The following PBX1 variants were observed in gnomAD, a reference collection of about 807,000 sequenced individuals.
PBX1 encodes the protein PBX homeobox 1.
Under a neutral mutation model 53.4 loss-of-function variants are expected in PBX1, and 6 were observed. The ratio of observed to expected loss-of-function variants is 0.11; its 90% CI spans 0.06 to 0.22. The LOEUF (loss-of-function observed/expected upper bound fraction) is 0.22, where lower values mean the gene tolerates loss of function less well. Ranked by LOEUF, PBX1 falls within the 10% of genes least tolerant of loss-of-function variation. PBX1 has a pLI of 1.00. For synonymous variants in PBX1, 204 were observed against 212.3 expected (o/e 0.96, Z 0.34); for missense variants, 251 against 551.4 (o/e 0.46, Z 5.46).
At chr1:164,718,471 A>G (rs565099237) in intron 2 of PBX1, among the ~76,000 whole-genome samples, 2 of 152,322 alleles carry the variant, frequency 1.3e-5, no homozygotes, top group East Asian at 1.9e-4. Context: ...TCTGGTACAT[A>G]TAGGCTCATG....
intron 8 of PBX1, among the ~76,000 whole-genome samples, chr1:164,830,289 A>G (rs1670689651): frequency 6.6e-6 from 1 of 152,252 alleles, no homozygotes; most frequent in African/African-American, 2.4e-5. Context: ...AATCACATGT[A>G]AATTGCAAAA....
intron 2 of PBX1, among the ~76,000 whole-genome samples, chr1:164,881,512 A>G (rs1672654291): frequency 6.6e-6 from 1 of 150,630 alleles, no homozygotes; most frequent in South Asian, 2.2e-4. Flanking sequence ...TATAAATGCC[A>G]GTTGATATTT....
intron 2 of PBX1, among the ~76,000 whole-genome samples, chr1:164,875,114 A>G (rs913210951): frequency 2.6e-5 from 4 of 152,088 alleles, no homozygotes; most frequent in African/African-American, 9.7e-5. Flanking sequence ...CTTGCCTTAC[A>G]TGACAGGGCT....
chr1:164,807,815 G>A, intron 5 of PBX1, 138 bp downstream of exon 5: 3 of 973,688 alleles, frequency 3.1e-6, no homozygotes, highest in Non-Finnish European at 4.6e-6. Flanking sequence ...ATCAAGGTAA[G>A]CACTTGATGT....
At chr1:164,627,560 G>GA (rs1658127750) in intron 2 of PBX1, among the ~76,000 whole-genome samples, 1 of 152,134 alleles carries the variant, frequency 6.6e-6, no homozygotes, top group Admixed American at 6.6e-5. Flanking sequence ...GAATATCAGT[G>GA]AAAGGAAATA....
At chr1:164,616,515 C>T (rs962820633) in intron 2 of PBX1, among the ~76,000 whole-genome samples, 3 of 152,222 alleles carry the variant, frequency 2.0e-5, no homozygotes, top group African/African-American at 7.2e-5. Flanking sequence ...AAATGAGTTT[C>T]GGTTAGCTGA....
At chr1:164,656,890 A>G (rs1172389945) in intron 2 of PBX1, among the ~76,000 whole-genome samples, 1 of 152,122 alleles carries the variant, frequency 6.6e-6, no homozygotes, top group African/African-American at 2.4e-5. Context: ...TTTTTCATCA[A>G]CTGGTGATTC....
At chr1:164,751,222 G>A (rs909019419) in intron 2 of PBX1, among the ~76,000 whole-genome samples, 2 of 151,696 alleles carry the variant, frequency 1.3e-5, no homozygotes, top group South Asian at 4.2e-4. Flanking sequence ...GTCTGAGGTG[G>A]GAGAATCGCT....
At chr1:164,820,429 G>T (rs1190556094) in intron 7 of PBX1, among the ~76,000 whole-genome samples, 1 of 152,070 alleles carries the variant, frequency 6.6e-6, no homozygotes, top group Non-Finnish European at 1.5e-5. Flanking sequence ...GTAAGCACAG[G>T]GCAAGGTGAC....
chr1:164,578,403 G>A (rs187137676), intron 2 of PBX1, among the ~76,000 whole-genome samples: 27 of 152,258 alleles, frequency 1.8e-4, no homozygotes, highest in Admixed American at 4.6e-4. Context: ...TTTTTCATTT[G>A]AGAAATACCG....
At chr1:164,751,825 G>A (rs187512706) in intron 2 of PBX1, among the ~76,000 whole-genome samples, 47 of 151,788 alleles carry the variant, frequency 3.1e-4, no homozygotes, top group African/African-American at 1.1e-3. Flanking sequence ...CAGGTGATTT[G>A]CCCACCTCGG....
intron 2 of PBX1, among the ~76,000 whole-genome samples, chr1:164,739,774 T>C (rs1426655841): frequency 6.6e-6 from 1 of 151,838 alleles, no homozygotes; most frequent in African/African-American, 2.4e-5. Context: ...TGTGTGTGTG[T>C]GTGTGTGTGT....
chr1:164,809,638 CA>C (rs1187559301), intron 5 of PBX1, among the ~76,000 whole-genome samples: 1 of 152,148 alleles, frequency 6.6e-6, no homozygotes, highest in East Asian at 1.9e-4. Context: ...TCCTAATTCC[CA>C]AAGCCAGGGA....
intron 2 of PBX1, among the ~76,000 whole-genome samples, chr1:164,864,063 A>G (rs1466961354): frequency 6.6e-6 from 1 of 152,192 alleles, no homozygotes; most frequent in African/African-American, 2.4e-5. Flanking sequence ...AAATAGAAAA[A>G]TGACCCTAAG....
chr1:164,867,729 C>T (rs188477703), intron 2 of PBX1, among the ~76,000 whole-genome samples: 6 of 152,194 alleles, frequency 3.9e-5, no homozygotes, highest in African/African-American at 1.2e-4. Context: ...TTTCAGTCAC[C>T]GCTTACCAAC....
chr1:164,692,197 C>T (rs1571231074), intron 2 of PBX1, among the ~76,000 whole-genome samples: 1 of 152,300 alleles, frequency 6.6e-6, no homozygotes, highest in Admixed American at 6.5e-5. Context: ...TGGCTATAGG[C>T]AGCTCATACG....
intron 2 of PBX1, among the ~76,000 whole-genome samples, chr1:164,592,659 C>T (rs1271702050): frequency 2.0e-5 from 3 of 152,204 alleles, no homozygotes; most frequent in Non-Finnish European, 1.5e-5. Flanking sequence ...CATCTCCACA[C>T]AGTAAGTTGA....
intron 2 of PBX1, among the ~76,000 whole-genome samples, chr1:164,783,882 C>T (rs894313756): frequency 6.6e-6 from 1 of 152,160 alleles, no homozygotes; most frequent in Admixed American, 6.5e-5. Flanking sequence ...CACTGAGACT[C>T]GGAACTGCAG....
intron 8 of PBX1, among the ~76,000 whole-genome samples, chr1:164,846,380 T>C (rs1324703141): frequency 2.0e-5 from 3 of 152,106 alleles, no homozygotes; most frequent in African/African-American, 7.2e-5. Flanking sequence ...TAACATCATA[T>C]CCAGAGGCTC....
Sources: gnomAD v4.1 joint callset for allele counts (sites outside exome capture counted in the v4.1 genomes callset) on GRCh38, gnomAD v4.1.1 for gene constraint, MANE v1.5 for transcripts, NCBI Gene and HGNC (gene_info 2026-07-23, HGNC 2026-07-21) for gene names.